ABCA13: variants seen among roughly 807,000 people sequenced by gnomAD.
The protein encoded by ABCA13 is ATP binding cassette subfamily A member 13, also known as ATP-binding cassette sub-family A member 13.
A neutral mutation model predicts 478.7 loss-of-function variants in ABCA13; 476 were observed. The observed-to-expected ratio is 0.99, with a 90% CI of 0.92 to 1.07. The LOEUF (loss-of-function observed/expected upper bound fraction) is 1.07, where lower values mean the gene tolerates loss of function less well. ABCA13 is among the 50% of genes least tolerant of loss of function. The pLI, the probability that ABCA13 is intolerant of heterozygous loss-of-function variation, is 0.00. For synonymous variants in ABCA13, 2,252 were observed against 2,158.9 expected (o/e 1.04, Z -1.20); for missense variants, 6,060 against 5,910.6 (o/e 1.03, Z -0.83).
chr7:48,522,288 A>T (rs996882645), intron 53 of ABCA13, among the ~76,000 whole-genome samples: 2 of 152,118 alleles, frequency 1.3e-5, no homozygotes, highest in Admixed American at 1.3e-4. Flanking sequence ...CTGAGATCCC[A>T]CTTCCTTGCT....
intron 43 of ABCA13, among the ~76,000 whole-genome samples, chr7:48,456,023 G>C (rs4917140): frequency 0.19 from 28,605 of 152,176 alleles, 3,114 homozygotes; most frequent in African/African-American, 0.3. Context: ...TGCCGGGCAC[G>C]GCCATGGCTG....
At position 48,273,380 on chromosome 7, in the gene ABCA13, A is replaced by G; in HGVS notation, c.3714A>G (p.Leu1238=). ...FLDLRDFLVA[L]GNALVSVKKL... is the part of the protein sequence containing the mutation. ...ATCTCAGGGATTTTTTGGTAGCTTT[A>G]GGTAATGCATTAGTTTCAGTAAAAA... is the stretch of plus-strand genomic sequence containing the variant. The change falls in exon 17 of 62, where the codon TTA becomes TTG. Residue 1238 remains leucine, a synonymous_variant. Transcript: ENST00000435803. The G allele has an allele frequency of 6.2e-7, 1 of 1,613,680 alleles. No homozygotes were observed. The highest frequency in any genetic ancestry group is 8.5e-7 in the Non-Finnish European group (1 of 1,179,724).
chr7:48,306,939 T>C (rs546533003), intron 23 of ABCA13, among the ~76,000 whole-genome samples: 2 of 152,308 alleles, frequency 1.3e-5, no homozygotes, highest in South Asian at 2.1e-4. Context: ...ATCCAATCAG[T>C]TGAAGGCAAA....
In ABCA13 at chr7:48,178,975, CTAATAATAATAATAA is replaced by C. The variant is rs369219799; in HGVS notation, c.69+7457_69+7471del. Among the ~76,000 whole-genome samples, 72 of 142,072 alleles carry C rather than the reference CTAATAATAATAATAA, an allele frequency of 5.1e-4. 1 individual carries two copies. Among genetic ancestry groups the C allele is most frequent in the South Asian group, 1.6e-3 (7 of 4,478 alleles). The allele number at this position is 142,072 out of a possible 152,430, so 93.2% of individuals were successfully genotyped here. ...ACGTGGCTTCTGTGCAAAACAAAAA[CTAATAATAATAATAA>C]TAATAATAATAATAATAATAATAAT... On this transcript the variant is annotated intron_variant, in intron 1 of 61. Coordinates refer to ENST00000435803, the MANE Select transcript of ABCA13 (RefSeq NM_152701.5).
chr7:48,176,630 G>T (rs1029291978), intron 1 of ABCA13, among the ~76,000 whole-genome samples: 1 of 152,116 alleles, frequency 6.6e-6, no homozygotes, highest in Non-Finnish European at 1.5e-5. Context: ...AAGCCTATTA[G>T]ACTGTCTGAG....
intron 48 of ABCA13, among the ~76,000 whole-genome samples, chr7:48,490,554 G>A (rs1006747590): frequency 3.9e-5 from 6 of 152,156 alleles, no homozygotes; most frequent in African/African-American, 1.2e-4. Context: ...TTCACAGAGG[G>A]GAAGTCATTA....
intron 59 of ABCA13, among the ~76,000 whole-genome samples, chr7:48,625,449 G>T (rs1435372953): frequency 6.6e-6 from 1 of 152,172 alleles, no homozygotes; most frequent in Non-Finnish European, 1.5e-5. Flanking sequence ...TTTTACTTTA[G>T]TTTAAAGCAT....
At chr7:48,199,326 A>G (rs1469135853) in intron 3 of ABCA13, among the ~76,000 whole-genome samples, 2 of 152,192 alleles carry the variant, frequency 1.3e-5, no homozygotes, top group Admixed American at 1.3e-4. Context: ...TTTATTTCTC[A>G]TAGTTTTGGA....
intron 23 of ABCA13, 115 bp downstream of exon 23, chr7:48,298,602 A>T: frequency 8.0e-7 from 1 of 1,255,880 alleles, no homozygotes; most frequent in Non-Finnish European, 1.1e-6. Flanking sequence ...TGGCTAGTGT[A>T]GTGGGTTGCT....
chr7:48,505,795 T>A (rs1038115593), intron 48 of ABCA13, among the ~76,000 whole-genome samples: 5 of 152,244 alleles, frequency 3.3e-5, no homozygotes, highest in African/African-American at 9.6e-5. Context: ...GATAAGCTGA[T>A]GGCAGTTTCT....
chr7:48,220,186 C>A (rs1379139521), intron 4 of ABCA13, among the ~76,000 whole-genome samples: 1 of 152,054 alleles, frequency 6.6e-6, no homozygotes, highest in Admixed American at 6.6e-5. Context: ...GTTTTGCTTA[C>A]AAATGGAGAA....
chr7:48,545,368 T>C (rs952453325), intron 55 of ABCA13, among the ~76,000 whole-genome samples: 1 of 151,780 alleles, frequency 6.6e-6, no homozygotes, highest in Non-Finnish European at 1.5e-5. Flanking sequence ...TTTGAAAACC[T>C]GAGCTTATAC....
At position 48,412,575 on chromosome 7, in the gene ABCA13, T is replaced by C. The variant is rs1184786423; in HGVS notation, c.12451T>C (p.Leu4151=). The C allele has an allele frequency of 6.2e-7, 1 of 1,603,748 alleles. No homozygotes were observed. Among genetic ancestry groups the C allele is most frequent in the Non-Finnish European group, 8.5e-7 (1 of 1,175,040 alleles). Residue 4151 remains leucine (L), a synonymous_variant, in exon 41 of 62, where the codon TTA becomes CTA. Coordinates refer to ENST00000435803, the MANE Select transcript of ABCA13 (RefSeq NM_152701.5). Reference sequence around the variant, plus strand: ...GGGCTATGGGATCTCAGACACCACCTTAGAAGAGGTACTGAGAAAACTGAA... The same window carrying C: ...GGGCTATGGGATCTCAGACACCACCCTAGAAGAGGTACTGAGAAAACTGAA... ...LTGYGISDTT[L]EEVFLMLLQD... is the part of the protein sequence containing the mutation.
chr7:48,176,619 G>A (rs1407528512), intron 1 of ABCA13, among the ~76,000 whole-genome samples: 1 of 152,140 alleles, frequency 6.6e-6, no homozygotes, highest in Non-Finnish European at 1.5e-5. Flanking sequence ...GGAATAGGGA[G>A]AAGCCTATTA....
At chr7:48,307,964 G>A (rs536692456) in intron 23 of ABCA13, among the ~76,000 whole-genome samples, 17 of 152,292 alleles carry the variant, frequency 1.1e-4, no homozygotes, top group Non-Finnish European at 2.4e-4. Flanking sequence ...GATTATAGGT[G>A]TGAGCAACTG....
chr7:48,308,552 G>A (rs752287623), intron 23 of ABCA13, among the ~76,000 whole-genome samples: 14 of 151,952 alleles, frequency 9.2e-5, no homozygotes, highest in Non-Finnish European at 1.9e-4. Context: ...TGAATAATAC[G>A]CCAGGCTACA....
chr7:48,439,706 A>C (rs143448024), intron 42 of ABCA13, among the ~76,000 whole-genome samples: 115 of 152,266 alleles, frequency 7.6e-4, no homozygotes, highest in African/African-American at 2.7e-3. Flanking sequence ...CTTTGGCATA[A>C]AAAATTTTAT....
chr7:48,233,001 A>G (rs1018212408), intron 7 of ABCA13, among the ~76,000 whole-genome samples: 12 of 152,240 alleles, frequency 7.9e-5, no homozygotes, highest in Admixed American at 5.2e-4. Flanking sequence ...TCTTCAACAT[A>G]CAATAAATGC....
chr7:48,198,323 A>G lies in ABCA13; in HGVS notation c.250A>G (p.Asn84Asp), dbSNP rs761484500. 1 of 1,613,860 alleles carries G rather than the reference A, an allele frequency of 6.2e-7. No individual in the cohort carries two copies. The highest frequency in any genetic ancestry group is 8.5e-7 in the Non-Finnish European group (1 of 1,179,828). ...LLCNTGSRCRNFSYEGSMEHH... is the reference protein window; with the variant it reads ...LLCNTGSRCRDFSYEGSMEHH... Reference sequence around the variant, plus strand: ...TTGTAACACTGGATCAAGGTGTAGGAACTTCAGCTATGAAGGGTCAATGGA... The same window carrying G: ...TTGTAACACTGGATCAAGGTGTAGGGACTTCAGCTATGAAGGGTCAATGGA... The change falls in exon 3 of 62, where the codon AAC (asparagine) becomes GAC (aspartate). Residue 84 changes from asparagine (N) to aspartate (D), a missense_variant. Coordinates refer to ENST00000435803, the MANE Select transcript of ABCA13 (RefSeq NM_152701.5).
Sources: allele counts gnomAD v4.1 joint callset (sites outside exome capture counted in the v4.1 genomes callset), GRCh38; gene constraint gnomAD v4.1.1; transcripts MANE v1.5; gene names NCBI Gene and HGNC (gene_info 2026-07-23, HGNC 2026-07-21).